The following MYO1D variants were observed in gnomAD, a reference collection of about 807,000 sequenced individuals.
The protein encoded by MYO1D is myosin ID.
In MYO1D, 83 loss-of-function variants were observed where a neutral mutation model predicts 122.0. The ratio of observed to expected loss-of-function variants is 0.68; its 90% CI spans 0.57 to 0.82. The LOEUF is 0.82. Ranked by LOEUF, MYO1D falls within the 40% of genes least tolerant of loss-of-function variation. MYO1D has a pLI of 0.00. For synonymous variants in MYO1D, 464 were observed against 446.9 expected, an observed-to-expected ratio of 1.04 and a Z score of -0.48; for missense variants, 1,157 against 1,269.5, an observed-to-expected ratio of 0.91 and a Z score of 1.35.
At chr17:32,797,747 T>C (rs779970477) in intron 1 of MYO1D, among the ~76,000 whole-genome samples, 3 of 152,202 alleles carry the variant, frequency 2.0e-5, no homozygotes, top group Non-Finnish European at 1.5e-5. Flanking sequence ...CAAGAGACAC[T>C]GAAGACTTTC....
At chr17:32,596,871 T>C (rs2087498712) in intron 21 of MYO1D, among the ~76,000 whole-genome samples, 2 of 152,360 alleles carry the variant, frequency 1.3e-5, no homozygotes, top group South Asian at 4.1e-4. Flanking sequence ...TGAGACCATC[T>C]GTTTAGTAGT....
intron 1 of MYO1D, among the ~76,000 whole-genome samples, chr17:32,782,547 G>A (rs1325441798): frequency 2.0e-5 from 3 of 152,292 alleles, no homozygotes; most frequent in East Asian, 1.9e-4. Context: ...TTATGCATAA[G>A]GGAGATTTTT....
intron 21 of MYO1D, among the ~76,000 whole-genome samples, chr17:32,520,996 C>G (rs1307765361): frequency 1.3e-5 from 2 of 152,194 alleles, no homozygotes; most frequent in African/African-American, 4.8e-5. Context: ...GGGAATCGCG[C>G]CCCTTTGTTC....
chr17:32,798,003 C>T (rs1480815617), intron 1 of MYO1D, among the ~76,000 whole-genome samples: 1 of 152,168 alleles, frequency 6.6e-6, no homozygotes, highest in Non-Finnish European at 1.5e-5. Flanking sequence ...GAAAGAAATA[C>T]GTTTATGCCA....
At chr17:32,805,796 C>T (rs1252725006) in intron 1 of MYO1D, among the ~76,000 whole-genome samples, 1 of 152,084 alleles carries the variant, frequency 6.6e-6, no homozygotes, top group Non-Finnish European at 1.5e-5. Context: ...TCTGGAAGAG[C>T]TTTTTCAAAG....
At chr17:32,845,711 T>C (rs996782439) in intron 1 of MYO1D, among the ~76,000 whole-genome samples, 1 of 152,222 alleles carries the variant, frequency 6.6e-6, no homozygotes, top group Non-Finnish European at 1.5e-5. Flanking sequence ...TCAGTTGCAC[T>C]GGCCACATTT....
At chr17:32,527,221 A>G (rs1212003330) in intron 21 of MYO1D, among the ~76,000 whole-genome samples, 1 of 152,202 alleles carries the variant, frequency 6.6e-6, no homozygotes, top group Non-Finnish European at 1.5e-5. Flanking sequence ...CAAGGTCACC[A>G]TCCAGAGAGG....
chr17:32,711,957 T>C (rs1248635028), intron 16 of MYO1D, 31 bp downstream of exon 16: 2 of 1,542,118 alleles, frequency 1.3e-6, no homozygotes, highest in Non-Finnish European at 1.8e-6. Flanking sequence ...AAAAGCAAAA[T>C]CTTATCCTTA....
At chr17:32,770,959 C>T (rs549438942) in intron 6 of MYO1D, among the ~76,000 whole-genome samples, 166 bp downstream of exon 6, 1 of 152,224 alleles carries the variant, frequency 6.6e-6, no homozygotes, top group East Asian at 1.9e-4. Context: ...GTTGTTGATT[C>T]AAAAATGTGC....
chr17:32,671,300 G>A lies in MYO1D; in HGVS notation c.2122-11962C>T, dbSNP rs1005965414. On this transcript the variant is annotated intron_variant, in intron 16 of 21. Transcript: ENST00000318217. ...GAGCGGCCAGCCAGATCCCATACTC[G>A]CTCGCCCACGTGCTCCCTCCTGCCA... 2.6e-5 allele frequency among the ~76,000 whole-genome samples: 4 copies of A among 152,288 alleles called. 1 individual carries two copies. The highest frequency in any genetic ancestry group is 6.5e-5 in the Admixed American group (1 of 15,302).
chr17:32,656,567 G>T (rs1269826110), intron 17 of MYO1D, among the ~76,000 whole-genome samples: 1 of 152,208 alleles, frequency 6.6e-6, no homozygotes, highest in Non-Finnish European at 1.5e-5. Context: ...CTGCAGTGAG[G>T]CAGGCCACAT....
chr17:32,712,677 C>T (rs181860154), intron 15 of MYO1D, among the ~76,000 whole-genome samples: 1 of 152,260 alleles, frequency 6.6e-6, no homozygotes, highest in East Asian at 1.9e-4. Context: ...GATAAAAAAA[C>T]TATTATAACT....
At position 32,648,129 on chromosome 17, in the gene MYO1D, G is replaced by A. The variant is rs368007755; in HGVS notation, c.2595+5714C>T. On this transcript the variant is annotated intron_variant, in intron 19 of 21. Coordinates refer to ENST00000318217, the MANE Select transcript of MYO1D (RefSeq NM_015194.3). Reference sequence around the variant, plus strand: ...CTGGGGAGGCTGAGGCAGGAGAATCGCTTGAACCCAGGAGGCAGAGGTTGC... The same window carrying A: ...CTGGGGAGGCTGAGGCAGGAGAATCACTTGAACCCAGGAGGCAGAGGTTGC... 1.3e-4 allele frequency among the ~76,000 whole-genome samples: 20 copies of A among 152,170 alleles called. 1 individual carries two copies. Among genetic ancestry groups the A allele is most frequent in the East Asian group, 7.7e-4 (4 of 5,180 alleles).
intron 21 of MYO1D, among the ~76,000 whole-genome samples, chr17:32,533,291 G>C (rs1910567843): frequency 6.6e-6 from 1 of 152,008 alleles, no homozygotes; most frequent in Non-Finnish European, 1.5e-5. Context: ...TGGGTTCATG[G>C]CCACCCATCA....
intron 13 of MYO1D, among the ~76,000 whole-genome samples, chr17:32,741,501 C>T (rs2089772118): frequency 6.6e-6 from 1 of 151,986 alleles, no homozygotes; most frequent in East Asian, 1.9e-4. Context: ...CAAAACTATT[C>T]CTATTGTGAA....
intron 1 of MYO1D, among the ~76,000 whole-genome samples, chr17:32,853,842 A>G (rs2091008353): frequency 6.6e-6 from 1 of 152,216 alleles, no homozygotes. Flanking sequence ...ATTTGTCAAT[A>G]AATTATTGAA....
chr17:32,717,668 T>C (rs1598035610), intron 15 of MYO1D, among the ~76,000 whole-genome samples: 1 of 152,222 alleles, frequency 6.6e-6, no homozygotes, highest in East Asian at 1.9e-4. Context: ...TTCCTTACAC[T>C]GTGAAGGCAT....
intron 1 of MYO1D, among the ~76,000 whole-genome samples, chr17:32,804,311 T>C (rs1389694758): frequency 3.3e-5 from 5 of 152,188 alleles, no homozygotes; most frequent in African/African-American, 7.2e-5. Flanking sequence ...TAGCAGTTGA[T>C]TGAATCCACA....
At chr17:32,806,954 G>A (rs1396968988) in intron 1 of MYO1D, among the ~76,000 whole-genome samples, 1 of 152,158 alleles carries the variant, frequency 6.6e-6, no homozygotes, top group Non-Finnish European at 1.5e-5. Flanking sequence ...AATAACATAG[G>A]ATGTATAAAT....
Sources: gnomAD v4.1 joint callset for allele counts (sites outside exome capture counted in the v4.1 genomes callset) on GRCh38, gnomAD v4.1.1 for gene constraint, MANE v1.5 for transcripts, NCBI Gene and HGNC (gene_info 2026-07-23, HGNC 2026-07-21) for gene names.